Variants in KRT25 observed in about 807,000 individuals in gnomAD.
KRT25 encodes keratin, type I cytoskeletal 25.
KRT25 carries 37 observed loss-of-function variants against 47.6 expected under a neutral mutation model. The observed-to-expected ratio is 0.78, with a 90% CI of 0.60 to 1.02. The LOEUF (loss-of-function observed/expected upper bound fraction) is 1.02. Ranked by LOEUF, KRT25 falls within the 50% of genes least tolerant of loss-of-function variation. The pLI is 0.00. For synonymous variants in KRT25, 203 were observed against 210.2 expected (o/e 0.97, Z 0.30); for missense variants, 542 against 550.3 (o/e 0.98, Z 0.15).
chr17:40,754,276 G>A, intron 2 of KRT25, 110 bp downstream of exon 2: 1 of 946,256 alleles, frequency 1.1e-6, no homozygotes, highest in Non-Finnish European at 1.7e-6. Flanking sequence ...ATAACATCCT[G>A]TTTATGTGAA....
At chr17:40,752,709 T>G (rs1206515137) in intron 3 of KRT25, among the ~76,000 whole-genome samples, 1 of 152,212 alleles carries the variant, frequency 6.6e-6, no homozygotes, top group East Asian at 1.9e-4. Context: ...AAAAATTGAT[T>G]AAACACCATG....
intron 2 of KRT25, 61 bp downstream of exon 2, chr17:40,754,325 A>C: frequency 7.4e-7 from 1 of 1,358,640 alleles, no homozygotes; most frequent in East Asian, 2.3e-5. Flanking sequence ...GAGTTGCTAA[A>C]TTTGATGTAA....
Position 40,750,377 on chromosome 17 carries a change from T to C in KRT25, c.1175+3A>G, listed in dbSNP as rs765408705. 1 of 1,613,622 alleles carries C rather than the reference T, an allele frequency of 6.2e-7. No homozygotes were observed. On this transcript the variant is annotated splice_donor_region_variant and intron_variant, in intron 6 of 7. Coordinates refer to ENST00000312150, the MANE Select transcript of KRT25 (RefSeq NM_181534.4). ...CGCCATCTATGCAGATTATTTTACC[T>C]ACCCATCATCTCCTCCTATAAGGAG... is the stretch of plus-strand genomic sequence containing the variant.
intron 7 of KRT25, 48 bp from the exon 8 acceptor site, chr17:40,748,434 T>A: frequency 8.4e-7 from 1 of 1,193,452 alleles, no homozygotes; most frequent in Non-Finnish European, 1.2e-6. Context: ...AAAAAAAGAA[T>A]AAAAATTATA....
At chr17:40,751,360 A>G in intron 3 of KRT25, 34 bp from the exon 4 acceptor site, 1 of 1,570,926 alleles carries the variant, frequency 6.4e-7, no homozygotes, top group Non-Finnish European at 8.6e-7. Flanking sequence ...TCAGCTCTGC[A>G]GGAATCTCAT....
chr17:40,751,389 G>A lies in KRT25; in HGVS notation c.670-63C>T, dbSNP rs532553119. The A allele has an allele frequency of 2.2e-3, 3,359 of 1,509,044 alleles. 5 individuals are homozygous for A. Among genetic ancestry groups the A allele is most frequent in the Non-Finnish European group, 2.6e-3 (2,965 of 1,129,968 alleles). The allele number at this position is 1,509,044 out of a possible 1,614,324, so 93.5% of individuals were successfully genotyped here. A position where few individuals can be genotyped will look rare whatever the true frequency, so the allele number is the denominator to read the frequency against. On this transcript the variant is annotated intron_variant, in intron 3 of 7. Coordinates refer to ENST00000312150, the MANE Select transcript of KRT25 (RefSeq NM_181534.4). ...ATCTCATGGAAAGTCTAGAAGCTTA[G>A]CTTTGGAAGGGCACTTAGAGTTCGT...
At chr17:40,755,388 A>G (rs2038098182), upstream of KRT25, 1 of 933,462 alleles carries the variant, frequency 1.1e-6, no homozygotes, top group Non-Finnish European at 1.6e-6. Context: ...GTTCTGAATG[A>G]AATTCTGCCT....
At chr17:40,752,187 T>G (rs761766364) in intron 3 of KRT25, among the ~76,000 whole-genome samples, 10 of 152,172 alleles carry the variant, frequency 6.6e-5, no homozygotes, top group Non-Finnish European at 1.0e-4. Flanking sequence ...TGATACTGCC[T>G]TGCACATAAA....
chr17:40,753,965 C>A lies in KRT25; in HGVS notation c.564G>T (p.Gly188=), dbSNP rs1460163073. Residue 188 remains glycine, a synonymous_variant, in exon 3 of 8, where the codon GGG becomes GGT. Transcript: ENST00000312150. ...LHQSVEADVN[G]LRRVLDEITL... is the part of the protein sequence containing the mutation. ...TTATTTCATCCAAAACTCTTCGTAA[C>A]CCATTGACATCAGCCTCTACACTCT... The A allele has an allele frequency of 6.2e-7, 1 of 1,614,004 alleles. No homozygotes were observed. Among genetic ancestry groups the A allele is most frequent in the South Asian group, 1.1e-5 (1 of 91,080 alleles).
At chr17:40,753,331 G>GT (rs1162332948) in intron 3 of KRT25, among the ~76,000 whole-genome samples, 1,870 of 146,132 alleles carry the variant, frequency 0.013, 28 homozygotes, top group African/African-American at 0.039. Flanking sequence ...AACATGATTC[G>GT]TTTTTTTTTT....
chr17:40,753,585 G>T (rs2038071433), intron 3 of KRT25, among the ~76,000 whole-genome samples: 1 of 150,552 alleles, frequency 6.6e-6, no homozygotes, highest in South Asian at 2.1e-4. Context: ...TCGGGAGGCT[G>T]AGGCAGGAGA....
Position 40,754,926 on chromosome 17 carries a change from C to T in KRT25, c.346G>A (p.Glu116Lys), listed in dbSNP as rs773734449. ...DLEQKIKGWY[E>K]KFGPGSCRGL... is the part of the protein sequence containing the mutation. ...CGGCAAGAGCCAGGCCCAAATTTCT[C>T]ATACCAGCCCTTGATCTTCTGCTCC... is the stretch of plus-strand genomic sequence containing the variant. Residue 116 changes from glutamate (E) to lysine (K), a missense_variant, in exon 1 of 8, where the codon GAG (glutamate) becomes AAG (lysine). Transcript: ENST00000312150. 1.9e-6 allele frequency: 3 copies of T among 1,614,092 alleles called. No homozygotes were observed. The highest frequency in any genetic ancestry group is 2.2e-5 in the South Asian group (2 of 91,082).
rs2038095443 is a variant in KRT25 at position 40,755,183 on chromosome 17, A to G, written c.89T>C (p.Phe30Ser). The G allele has an allele frequency of 6.2e-7, 1 of 1,614,060 alleles. No individual in the cohort carries two copies. The highest frequency in any genetic ancestry group is 1.7e-5 in the Admixed American group (1 of 59,998). The change falls in exon 1 of 8, where the codon TTT becomes TCT. Residue 30 changes from phenylalanine (F) to serine (S), a missense_variant. Coordinates refer to ENST00000312150, the MANE Select transcript of KRT25 (RefSeq NM_181534.4). ...SLRLYGGGTS[F>S]GTGNSCGISG... Reference sequence around the variant, plus strand: ...AATGCCACAAGAATTTCCAGTACCAAAGCTGGTTCCCCCACCATAGAGTCT... The same window carrying G: ...AATGCCACAAGAATTTCCAGTACCAGAGCTGGTTCCCCCACCATAGAGTCT...
At chr17:40,752,128 C>A (rs1026391407) in intron 3 of KRT25, among the ~76,000 whole-genome samples, 1 of 152,078 alleles carries the variant, frequency 6.6e-6, no homozygotes, top group Non-Finnish European at 1.5e-5. Context: ...AAACCCTTCT[C>A]TGAGTTGTTA....
At chr17:40,750,890 C>T (rs972734665) in intron 5 of KRT25, 64 bp downstream of exon 5, 1 of 1,565,994 alleles carries the variant, frequency 6.4e-7, no homozygotes, top group Non-Finnish European at 8.7e-7. Context: ...GTTTTTAAAA[C>T]CAGCTGGCAA....
rs990188368 is a variant in KRT25 at position 40,748,077 on chromosome 17, G to A, written c.*200C>T. 1.0e-4 allele frequency: 46 copies of A among 439,216 alleles called. No individual in the cohort carries two copies. Among genetic ancestry groups the A allele is most frequent in the Admixed American group, 4.6e-4 (11 of 23,840 alleles). 27.2% of individuals were successfully genotyped at this position (439,216 alleles called of 1,614,324 possible). A position where few individuals can be genotyped will look rare whatever the true frequency, so the allele number is the denominator to read the frequency against. ...AAAGAATTGACAACAGATTTCTGTA[G>A]GATAATCAAATGAGTCATATTTGTG... On this transcript the variant is annotated 3_prime_UTR_variant, in exon 8 of 8. Coordinates refer to ENST00000312150, the MANE Select transcript of KRT25 (RefSeq NM_181534.4).
rs1402515293 is a variant in KRT25 at position 40,751,334 on chromosome 17, C to T, written c.670-8G>A. 3 of 1,605,032 alleles carry T rather than the reference C, an allele frequency of 1.9e-6. No homozygotes were observed. Among genetic ancestry groups the T allele is most frequent in the Non-Finnish European group, 2.6e-6 (3 of 1,175,980 alleles). ...CTGCAGAACTTGCATTTCCTAGAGGCAGAAAAGTGTTCTGCTCAGCTCTGC... is the reference window on the plus strand; with the variant it reads ...CTGCAGAACTTGCATTTCCTAGAGGTAGAAAAGTGTTCTGCTCAGCTCTGC... On this transcript the variant is annotated splice_polypyrimidine_tract_variant and splice_region_variant and intron_variant, in intron 3 of 7. Coordinates refer to ENST00000312150, the MANE Select transcript of KRT25 (RefSeq NM_181534.4).
Position 40,751,346 on chromosome 17 carries a change from C to T in KRT25, c.670-20G>A, listed in dbSNP as rs780349221. ...CATTTCCTAGAGGCAGAAAAGTGTT[C>T]TGCTCAGCTCTGCAGGAATCTCATG... On this transcript the variant is annotated intron_variant, in intron 3 of 7. Coordinates refer to ENST00000312150, the MANE Select transcript of KRT25 (RefSeq NM_181534.4). 1 of 1,589,940 alleles carries T rather than the reference C, an allele frequency of 6.3e-7. No individual in the cohort carries two copies. The highest frequency in any genetic ancestry group is 2.2e-5 in the East Asian group (1 of 44,802).
chr17:40,752,739 T>A (rs2144127170), intron 3 of KRT25, among the ~76,000 whole-genome samples: 1 of 152,270 alleles, frequency 6.6e-6, no homozygotes, highest in East Asian at 1.9e-4. Flanking sequence ...TATATTTGAA[T>A]CCACGTAGTC....
Sources: gnomAD v4.1 joint callset for allele counts (sites outside exome capture counted in the v4.1 genomes callset) on GRCh38, gnomAD v4.1.1 for gene constraint, MANE v1.5 for transcripts, NCBI Gene and HGNC (gene_info 2026-07-23, HGNC 2026-07-21) for gene names.